The following GLS variants were observed in gnomAD, a reference collection of about 807,000 sequenced individuals.
The protein encoded by GLS is glutaminase kidney isoform, mitochondrial.
In GLS, 36 loss-of-function variants were observed where a neutral mutation model predicts 86.7. The ratio of observed to expected loss-of-function variants is 0.42; its 90% CI spans 0.32 to 0.55. The LOEUF (loss-of-function observed/expected upper bound fraction) is 0.55, where lower values mean the gene tolerates loss of function less well. GLS is among the 20% of genes least tolerant of loss of function. GLS has a pLI of 0.17. For missense variants in GLS, 528 were observed against 833.4 expected (o/e 0.63, Z 4.51); for synonymous variants, 317 against 305.9 (o/e 1.04, Z -0.38).
At chr2:190,893,071 A>C (rs1441610228) in intron 1 of GLS, among the ~76,000 whole-genome samples, 1 of 152,192 alleles carries the variant, frequency 6.6e-6, no homozygotes, top group Admixed American at 6.5e-5. Context: ...CACTATCTGA[A>C]GTTTATTTGA....
At chr2:190,883,642 C>A (rs1485174465) in intron 1 of GLS, among the ~76,000 whole-genome samples, 1 of 152,158 alleles carries the variant, frequency 6.6e-6, no homozygotes, top group Non-Finnish European at 1.5e-5. Flanking sequence ...TTCAGGCTTG[C>A]ACATGAAGGT....
rs1203480146 is a variant in GLS, at chr2:190,943,025, A to G, written c.1651-10540A>G. Among the ~76,000 whole-genome samples, 1 of 152,230 alleles carries G rather than the reference A, an allele frequency of 6.6e-6. No homozygotes were observed. Among genetic ancestry groups the G allele is most frequent in the Non-Finnish European group, 1.5e-5 (1 of 68,042 alleles). On this transcript the variant is annotated intron_variant, in intron 14 of 17. Coordinates refer to ENST00000320717, the MANE Select transcript of GLS (RefSeq NM_014905.5). This position sits in a 1 kb window ranked among gnomAD's most constrained non-coding sequence, Gnocchi z 4.5. ...ATCTAAATCTAAAGAAAGAAGCTTT[A>G]CTGGAAACTCACCTGACGCTCATTG...
At chr2:190,898,301 T>A (rs1442910339) in intron 3 of GLS, among the ~76,000 whole-genome samples, 1 of 152,164 alleles carries the variant, frequency 6.6e-6, no homozygotes, top group Non-Finnish European at 1.5e-5. Flanking sequence ...GGAAAGAAAA[T>A]GATTATTCCC....
intron 4 of GLS, 94 bp from the exon 5 acceptor site, chr2:190,901,853 A>G: frequency 1.3e-6 from 1 of 776,922 alleles, no homozygotes; most frequent in Non-Finnish European, 2.3e-6. Flanking sequence ...AGTCATTGGT[A>G]GAAGGTAAAA....
chr2:190,902,103 A>T (rs556371557), intron 5 of GLS, 77 bp downstream of exon 5: 1 of 797,508 alleles, frequency 1.3e-6, no homozygotes, highest in South Asian at 1.5e-5. Context: ...CATGGAGAAG[A>T]TCATCTTTTA....
chr2:190,906,951 A>G (rs112842685), intron 6 of GLS, among the ~76,000 whole-genome samples: 9 of 146,270 alleles, frequency 6.2e-5, no homozygotes, highest in African/African-American at 1.8e-4. Flanking sequence ...TTTTTTTGAG[A>G]TGGTGTCTGG....
Position 190,920,718 on chromosome 2 carries a change from G to T in GLS, c.1039-306G>T, listed in dbSNP as rs1226001390. Among the ~76,000 whole-genome samples the T allele has an allele frequency of 6.6e-6, 1 of 151,470 alleles. No individual in the cohort carries two copies. ...TAAATAACACATTTTAGCAAATTAT[G>T]TGCTGTCATGAAAGATAAGGGAATT... On this transcript the variant is annotated intron_variant, in intron 7 of 17. Coordinates refer to ENST00000320717, the MANE Select transcript of GLS (RefSeq NM_014905.5). The surrounding 1 kb of genome is among the most constrained non-coding windows in gnomAD (Gnocchi z 4.2).
Position 190,964,526 on chromosome 2 carries a change from C to T in GLS, c.*1540C>T, listed in dbSNP as rs1376240238. 6.6e-6 allele frequency: 1 copy of T among 152,206 alleles called. No homozygotes were observed. The highest frequency in any genetic ancestry group is 1.5e-5 in the Non-Finnish European group (1 of 68,034). 9.4% of individuals were successfully genotyped at this position (152,206 alleles called of 1,614,324 possible). A position where few individuals can be genotyped will look rare whatever the true frequency, so the allele number is the denominator to read the frequency against. On this transcript the variant is annotated 3_prime_UTR_variant, in exon 18 of 18. Coordinates refer to ENST00000320717, the MANE Select transcript of GLS (RefSeq NM_014905.5). The surrounding 1 kb of genome is among the most constrained non-coding windows in gnomAD (Gnocchi z 5.2). ...CAGCCTCCAGGTGCTTTCATTTTCA[C>T]TTCCAGTCTAAGCCAGTGGCTCCTG... is the stretch of plus-strand genomic sequence containing the variant.
chr2:190,942,841 C>T (rs1690478621), intron 14 of GLS, among the ~76,000 whole-genome samples: 1 of 152,150 alleles, frequency 6.6e-6, no homozygotes, highest in Non-Finnish European at 1.5e-5. Context: ...TCAGGGAAAC[C>T]AACCAGGGCT....
At chr2:190,889,645 T>C (rs549974963) in intron 1 of GLS, among the ~76,000 whole-genome samples, 1 of 152,102 alleles carries the variant, frequency 6.6e-6, no homozygotes, top group South Asian at 2.1e-4. Context: ...ACTAACAGAG[T>C]TGGATGTTAT....
chr2:190,936,283 C>T (rs138666303), intron 14 of GLS, among the ~76,000 whole-genome samples: 9 of 151,102 alleles, frequency 6.0e-5, no homozygotes, highest in African/African-American at 1.9e-4. Flanking sequence ...CTGAAATATA[C>T]TGATATGTCA....
rs1354354359 is a variant in GLS at position 190,895,194 on chromosome 2, G to A, written c.429G>A (p.Leu143=). 1 of 1,556,614 alleles carries A rather than the reference G, an allele frequency of 6.4e-7. No individual in the cohort carries two copies. The highest frequency in any genetic ancestry group is 8.8e-7 in the Non-Finnish European group (1 of 1,131,178). ...QGLLPSLEDL[L]FYTIAEGQEK... ...TGTTACCTAGCTTGGAAGATTTGCT[G>A]TTCTATACAATTGCTGAAGGACAAG... Residue 143 remains leucine (L), a synonymous_variant, in exon 2 of 18, where the codon CTG becomes CTA. Coordinates refer to ENST00000320717, the MANE Select transcript of GLS (RefSeq NM_014905.5). The surrounding 1 kb of genome is among the most constrained non-coding windows in gnomAD (Gnocchi z 4.2).
chr2:190,931,898 C>CAATTCA (rs1690115347), intron 14 of GLS, among the ~76,000 whole-genome samples: 2 of 151,976 alleles, frequency 1.3e-5, no homozygotes, highest in African/African-American at 4.8e-5. Context: ...AGCCTAGTGT[C>CAATTCA]AGGGATTTCC....
rs550929935 is a variant in GLS, at chr2:190,916,433, A to G, written c.1039-4591A>G. ...TTGGGGGTGGTTTACTCTCTTTTGTATATGTAGGCATGTGCTTTTCCTAAG... is the reference window on the plus strand; with the variant it reads ...TTGGGGGTGGTTTACTCTCTTTTGTGTATGTAGGCATGTGCTTTTCCTAAG... On this transcript the variant is annotated intron_variant, in intron 7 of 17. Coordinates refer to ENST00000320717, the MANE Select transcript of GLS (RefSeq NM_014905.5). Among the ~76,000 whole-genome samples, 7 of 152,178 alleles carry G rather than the reference A, an allele frequency of 4.6e-5. 1 individual carries two copies. The South Asian group carries it at 1.5e-3, about 32-fold the overall frequency.
chr2:190,881,794 C>T (rs559070937), intron 1 of GLS: 51 of 251,776 alleles, frequency 2.0e-4, no homozygotes, highest in African/African-American at 8.1e-4. Context: ...GCTGCGTGCT[C>T]AGCTCCCTGG....
intron 3 of GLS, among the ~76,000 whole-genome samples, chr2:190,899,979 ACTT>A (rs917766065): frequency 2.1e-4 from 32 of 152,210 alleles, no homozygotes; most frequent in South Asian, 1.9e-3. Context: ...TTATTACACT[ACTT>A]CATATGAAAT....
intron 14 of GLS, chr2:190,934,131 A>G: frequency 1.0e-6 from 1 of 983,316 alleles, no homozygotes; most frequent in Non-Finnish European, 1.2e-6. Context: ...GTTTGTTGAA[A>G]CCTGTTAATT....
chr2:190,898,788 C>T (rs370452705), intron 3 of GLS, among the ~76,000 whole-genome samples: 3 of 152,230 alleles, frequency 2.0e-5, no homozygotes, highest in Non-Finnish European at 4.4e-5. Flanking sequence ...TGCACCACCA[C>T]GCCCGGCTAA....
In GLS at chr2:190,880,917, A is replaced by ACCC. The variant is rs1553572233; in HGVS notation, c.-168_-167insCCC. On this transcript the variant is annotated 5_prime_UTR_variant, in exon 1 of 18. Transcript: ENST00000320717. ...CAGCAGCAGCAGCAGCAGCAGCAGC[A>ACCC]GCACCCGCATCCGCTGCGGGAGTCC... The ACCC allele has an allele frequency of 1.7e-5, 15 of 883,214 alleles. No homozygotes were observed. Among genetic ancestry groups the ACCC allele is most frequent in the Middle Eastern group, 3.3e-4 (1 of 3,026 alleles). The allele number at this position is 883,214 out of a possible 1,614,324, so 54.7% of individuals were successfully genotyped here. A position where few individuals can be genotyped will look rare whatever the true frequency, so the allele number is the denominator to read the frequency against.
Sources: gnomAD v4.1 joint callset for allele counts (sites outside exome capture counted in the v4.1 genomes callset) on GRCh38, gnomAD v4.1.1 for gene constraint, Gnocchi (gnomAD v3.1) non-coding constraint, MANE v1.5 for transcripts, NCBI Gene and HGNC (gene_info 2026-07-23, HGNC 2026-07-21) for gene names.